The following SH3GL3 variants were observed in gnomAD, a reference collection of about 807,000 sequenced individuals.
SH3GL3 encodes the protein endophilin-A3.
In SH3GL3, 33 loss-of-function variants were observed where a neutral mutation model predicts 47.7. The observed-to-expected ratio is 0.69, with a 90% confidence interval of 0.52 to 0.92. The LOEUF (loss-of-function observed/expected upper bound fraction) is 0.92. Among genes scored for constraint, SH3GL3 ranks in the 40% least tolerant of loss-of-function variants. The probability of loss-of-function intolerance (pLI) is 0.00; values close to 1 mark genes in which losing one functional copy is unlikely to be tolerated. For synonymous variants in SH3GL3, 155 were observed against 148.8 expected (o/e 1.04, Z -0.30); for missense variants, 363 against 417.8 (o/e 0.87, Z 1.14).
At chr15:83,542,079 T>C (rs2044194027) in intron 1 of SH3GL3, among the ~76,000 whole-genome samples, 1 of 152,212 alleles carries the variant, frequency 6.6e-6, no homozygotes, top group Non-Finnish European at 1.5e-5. Context: ...CAATGTTTTC[T>C]TATAGTAGTT....
At chr15:83,482,810 A>G (rs529393233) in intron 1 of SH3GL3, among the ~76,000 whole-genome samples, 1 of 152,160 alleles carries the variant, frequency 6.6e-6, no homozygotes, top group Admixed American at 6.5e-5. Context: ...TTAAGTTTTG[A>G]GAGAATTTTC....
In SH3GL3 at chr15:83,554,040, G is replaced by A. The variant is rs934737321; in HGVS notation, c.46-5213G>A. On this transcript the variant is annotated intron_variant, in intron 1 of 8. Coordinates refer to ENST00000427482, the MANE Select transcript of SH3GL3 (RefSeq NM_003027.5). Reference sequence around the variant, plus strand: ...CGCTCTTTTTTTTTTTTTTTTTTGAGACAGAGTCTCACTTTGTCACTCAGG... The same window carrying A: ...CGCTCTTTTTTTTTTTTTTTTTTGAAACAGAGTCTCACTTTGTCACTCAGG... Among the ~76,000 whole-genome samples, 24 of 121,836 alleles carry A rather than the reference G, an allele frequency of 2.0e-4. 1 individual carries two copies. The highest frequency in any genetic ancestry group is 6.6e-4 in the African/African-American group (22 of 33,188). 79.9% of individuals were successfully genotyped at this position (121,836 alleles called of 152,430 possible). A position where few individuals can be genotyped will look rare whatever the true frequency, so the allele number is the denominator to read the frequency against.
chr15:83,498,249 G>A (rs2042157690), intron 1 of SH3GL3, among the ~76,000 whole-genome samples: 1 of 152,100 alleles, frequency 6.6e-6, no homozygotes. Flanking sequence ...TATAAAACCA[G>A]CCTTCATCTT....
chr15:83,578,761 C>T (rs2059752719), intron 6 of SH3GL3, among the ~76,000 whole-genome samples: 1 of 151,842 alleles, frequency 6.6e-6, no homozygotes, highest in Non-Finnish European at 1.5e-5. Flanking sequence ...AAATTGTCCC[C>T]AAGCAACAGC....
chr15:83,520,130 AC>A (rs1482062642), intron 1 of SH3GL3, among the ~76,000 whole-genome samples: 2 of 152,186 alleles, frequency 1.3e-5, no homozygotes, highest in African/African-American at 2.4e-5. Context: ...CCTGGAGTGA[AC>A]TGTGTTAGAG....
chr15:83,575,168 T>C (rs1454294387), intron 5 of SH3GL3, among the ~76,000 whole-genome samples: 1 of 152,240 alleles, frequency 6.6e-6, no homozygotes, highest in Non-Finnish European at 1.5e-5. Flanking sequence ...GTCTGGGTTC[T>C]GGGGATGCCA....
intron 1 of SH3GL3, among the ~76,000 whole-genome samples, chr15:83,534,263 C>A (rs951184632): frequency 6.6e-6 from 1 of 152,134 alleles, no homozygotes; most frequent in African/African-American, 2.4e-5. Context: ...TTACTGGCCT[C>A]CAAAACTGTG....
At chr15:83,476,566 T>G (rs1225360531) in intron 1 of SH3GL3, among the ~76,000 whole-genome samples, 1 of 152,234 alleles carries the variant, frequency 6.6e-6, no homozygotes, top group Non-Finnish European at 1.5e-5. Flanking sequence ...TAAGAATGGT[T>G]TTTATAATTT....
At chr15:83,585,291 A>C (rs1216563946) in intron 6 of SH3GL3, among the ~76,000 whole-genome samples, 1 of 152,232 alleles carries the variant, frequency 6.6e-6, no homozygotes, top group Non-Finnish European at 1.5e-5. Flanking sequence ...ATGCATCTCT[A>C]GATTACATCA....
intron 6 of SH3GL3, among the ~76,000 whole-genome samples, chr15:83,584,189 G>T (rs1334498628): frequency 6.6e-6 from 1 of 151,950 alleles, no homozygotes; most frequent in Admixed American, 6.6e-5. Flanking sequence ...CTCATTCTTC[G>T]CTTCCTCCCT....
At chr15:83,466,413 A>AATATATATATAT (rs58728071) in intron 1 of SH3GL3, among the ~76,000 whole-genome samples, 48 of 149,702 alleles carry the variant, frequency 3.2e-4, no homozygotes, top group South Asian at 2.4e-3. Flanking sequence ...CAATTGTTAG[A>AATATATATATAT]ATATATATAT....
At chr15:83,571,392 G>A (rs1261036444) in intron 4 of SH3GL3, among the ~76,000 whole-genome samples, 1 of 152,150 alleles carries the variant, frequency 6.6e-6, no homozygotes, top group African/African-American at 2.4e-5. Flanking sequence ...AGAGTCCACA[G>A]GCTAGGAAGG....
chr15:83,529,835 G>A (rs1342602909), intron 1 of SH3GL3, among the ~76,000 whole-genome samples: 1 of 152,126 alleles, frequency 6.6e-6, no homozygotes, highest in East Asian at 1.9e-4. Context: ...ATGACAGTGG[G>A]CAGGGAGCCT....
At chr15:83,539,347 T>C (rs1017010812) in intron 1 of SH3GL3, among the ~76,000 whole-genome samples, 5 of 152,036 alleles carry the variant, frequency 3.3e-5, no homozygotes, top group Non-Finnish European at 5.9e-5. Context: ...GGTGGAAGAG[T>C]GGGAGAGCTT....
At chr15:83,547,774 CTTTT>C (rs35952829) in intron 1 of SH3GL3, among the ~76,000 whole-genome samples, 2 of 132,562 alleles carry the variant, frequency 1.5e-5, no homozygotes, top group Non-Finnish European at 1.6e-5. Flanking sequence ...TATAGTGTAG[CTTTT>C]TTTTTTTTTT....
At chr15:83,476,901 C>T (rs760718034) in intron 1 of SH3GL3, among the ~76,000 whole-genome samples, 1 of 152,180 alleles carries the variant, frequency 6.6e-6, no homozygotes, top group Non-Finnish European at 1.5e-5. Context: ...ACACTAGAAG[C>T]GTTTTGTCTG....
chr15:83,508,283 G>A (rs2042598548), intron 1 of SH3GL3, among the ~76,000 whole-genome samples: 1 of 152,100 alleles, frequency 6.6e-6, no homozygotes, highest in Non-Finnish European at 1.5e-5. Context: ...GTCTCATTGA[G>A]AGGGGGACAT....
At chr15:83,620,099 T>C (rs1471474752), downstream of SH3GL3, among the ~76,000 whole-genome samples, 1 of 152,246 alleles carries the variant, frequency 6.6e-6, no homozygotes, top group South Asian at 2.1e-4. Context: ...TTTACGAGAT[T>C]GCAGGAATTC....
chr15:83,601,795 GA>G (rs2060387702), intron 8 of SH3GL3, among the ~76,000 whole-genome samples: 1 of 150,896 alleles, frequency 6.6e-6, no homozygotes, highest in Non-Finnish European at 1.5e-5. Context: ...TTGAATGTCT[GA>G]TAGAATTCAG....
Sources: allele counts gnomAD v4.1 joint callset (sites outside exome capture counted in the v4.1 genomes callset), GRCh38; gene constraint gnomAD v4.1.1; transcripts MANE v1.5; gene names NCBI Gene and HGNC (gene_info 2026-07-23, HGNC 2026-07-21).